The following PDZD2 variants were observed in gnomAD, a reference collection of about 807,000 sequenced individuals.
The protein encoded by PDZD2 is PDZ domain containing 2.
Under a neutral mutation model 220.7 loss-of-function variants are expected in PDZD2, and 90 were observed. The ratio of observed to expected loss-of-function variants is 0.41; its 90% confidence interval spans 0.34 to 0.49. The LOEUF is 0.49. PDZD2 is among the 20% of genes least tolerant of loss of function. The pLI is 0.28. For synonymous variants in PDZD2, 1,375 were observed against 1,450.5 expected (o/e 0.95, Z 1.18); for missense variants, 3,174 against 3,608.5 (o/e 0.88, Z 3.08).
At chr5:32,003,665 TGTGCTGACTTCCTTCTCTTGTTA>T (rs1169126435) in intron 5 of PDZD2, among the ~76,000 whole-genome samples, 6 of 152,220 alleles carry the variant, frequency 3.9e-5, no homozygotes, top group African/African-American at 1.4e-4. Context: ...CTGCATTTCT[TGTGCTGACTTCCTTCTCTTGTTA>T]GTTTTTTTGT....
Position 31,833,550 on chromosome 5 carries a change from C to G in PDZD2, c.476+33826C>G, listed in dbSNP as rs543234014. On this transcript the variant is annotated intron_variant, in intron 2 of 24. Coordinates refer to ENST00000438447, the MANE Select transcript of PDZD2 (RefSeq NM_178140.4). ...CCGCCCACCTTGGCCTCCCAAAGTG[C>G]TGGGATTACAGGCATGAGCCAGTTG... Among the ~76,000 whole-genome samples, 8 of 148,878 alleles carry G rather than the reference C, an allele frequency of 5.4e-5. No homozygotes were observed. The East Asian group carries it at 1.6e-3, about 30-fold the overall frequency.
At position 31,799,701 on chromosome 5, in the gene PDZD2, T is replaced by C; in HGVS notation, c.453T>C (p.Val151=). Residue 151 remains valine, a synonymous_variant, in exon 2 of 25, where the codon GTT becomes GTC. Transcript: ENST00000438447. The part of the protein sequence containing the change: ...EILSLNGQLM[V]GVDVSGASYL... Reference sequence around the variant, plus strand: ...TCTCACTGAATGGGCAGCTGATGGTTGGAGTTGATGTCAGTGGGGCCAGGT... The same window carrying C: ...TCTCACTGAATGGGCAGCTGATGGTCGGAGTTGATGTCAGTGGGGCCAGGT... 6.2e-7 allele frequency: 1 copy of C among 1,613,236 alleles called. No individual in the cohort carries two copies. The highest frequency in any genetic ancestry group is 8.5e-7 in the Non-Finnish European group (1 of 1,179,406).
Position 32,089,268 on chromosome 5 carries a change from C to T in PDZD2, c.5820C>T (p.His1940=), listed in dbSNP as rs200195552. ...CACAGCGGCTCCATGTAGCCGACCA[C>T]GAGGACCCTGACAGAAACACCACAG... is the stretch of plus-strand genomic sequence containing the variant. The part of the protein sequence containing the change: ...AVSQRLHVAD[H]EDPDRNTTAA... The change falls in exon 20 of 25, where the codon CAC becomes CAT. Residue 1940 remains histidine, a synonymous_variant. Coordinates refer to ENST00000438447, the MANE Select transcript of PDZD2 (RefSeq NM_178140.4). 10 of 1,614,054 alleles carry T rather than the reference C, an allele frequency of 6.2e-6. No individual in the cohort carries two copies. Among genetic ancestry groups the T allele is most frequent in the South Asian group, 5.5e-5 (5 of 91,084 alleles).
chr5:32,007,598 G>C (rs996053688), intron 5 of PDZD2, among the ~76,000 whole-genome samples: 7 of 152,166 alleles, frequency 4.6e-5, no homozygotes, highest in African/African-American at 7.2e-5. Flanking sequence ...ATGCCAGCTT[G>C]CTAATATTCA....
intron 1 of PDZD2, among the ~76,000 whole-genome samples, chr5:31,724,403 G>A (rs1748992862): frequency 6.6e-6 from 1 of 151,990 alleles, no homozygotes; most frequent in Admixed American, 6.6e-5. Context: ...GGGAATTCGA[G>A]ACCAGCTGAC....
intron 1 of PDZD2, among the ~76,000 whole-genome samples, chr5:31,742,733 A>G (rs1484634911): frequency 6.6e-6 from 1 of 152,210 alleles, no homozygotes; most frequent in African/African-American, 2.4e-5. Context: ...GTAAAGTGGA[A>G]TAATATTCGT....
chr5:32,056,465 C>G (rs1010360233), intron 10 of PDZD2, among the ~76,000 whole-genome samples: 1 of 152,230 alleles, frequency 6.6e-6, no homozygotes, highest in Non-Finnish European at 1.5e-5. Context: ...CTGTTCTTCT[C>G]TCTGGGGCAT....
intron 1 of PDZD2, among the ~76,000 whole-genome samples, chr5:31,752,938 T>TGG (rs1171443420): frequency 3.9e-5 from 6 of 152,066 alleles, no homozygotes; most frequent in Non-Finnish European, 8.8e-5. Context: ...GTGAAAGCCA[T>TGG]GGGCCTTAGT....
At chr5:32,086,259 A>C (rs1581456789) in intron 19 of PDZD2, among the ~76,000 whole-genome samples, 1 of 152,180 alleles carries the variant, frequency 6.6e-6, no homozygotes, top group Admixed American at 6.5e-5. Context: ...GTGTGAGCCA[A>C]ACCCACACAC....
At position 32,098,938 on chromosome 5, in the gene PDZD2, G is replaced by C. The variant is rs938531800; in HGVS notation, c.8218+304G>C. Among the ~76,000 whole-genome samples, 1 of 152,180 alleles carries C rather than the reference G, an allele frequency of 6.6e-6. No individual in the cohort carries two copies. The highest frequency in any genetic ancestry group is 1.5e-5 in the Non-Finnish European group (1 of 68,034). On this transcript the variant is annotated intron_variant, in intron 23 of 24. Transcript: ENST00000438447. This position sits in a 1 kb window ranked among gnomAD's most constrained non-coding sequence, Gnocchi z 4.1. ...CTCTTACATTCACAGCCTCTTGTTA[G>C]GACTGGTAAGGAAAACAGGAAACTA...
intron 16 of PDZD2, among the ~76,000 whole-genome samples, chr5:32,071,732 C>T (rs1163971583): frequency 6.6e-6 from 1 of 152,216 alleles, no homozygotes; most frequent in East Asian, 1.9e-4. Flanking sequence ...GGAGGCCACG[C>T]AATCTTCCTC....
At chr5:32,003,366 A>C (rs1752510489) in intron 5 of PDZD2, among the ~76,000 whole-genome samples, 1 of 53,162 alleles carries the variant, frequency 1.9e-5, no homozygotes, top group Non-Finnish European at 4.4e-5. Context: ...ACCACACCAC[A>C]CACACACCAC....
intron 6 of PDZD2, among the ~76,000 whole-genome samples, chr5:32,026,438 T>G (rs1311921343): frequency 6.6e-6 from 1 of 152,088 alleles, no homozygotes; most frequent in Non-Finnish European, 1.5e-5. Flanking sequence ...GCGCCCAGCC[T>G]TGTGTACTTC....
chr5:31,852,787 G>C (rs1307323779), intron 2 of PDZD2, among the ~76,000 whole-genome samples: 2 of 152,036 alleles, frequency 1.3e-5, no homozygotes, highest in African/African-American at 4.8e-5. Context: ...AGCAGAGATG[G>C]GGTTTCACCA....
At chr5:32,015,730 T>C (rs113827880) in intron 6 of PDZD2, among the ~76,000 whole-genome samples, 1 of 152,232 alleles carries the variant, frequency 6.6e-6, no homozygotes, top group Non-Finnish European at 1.5e-5. Context: ...AAAATCTATT[T>C]TCTAGCCTTC....
In PDZD2 at chr5:32,089,529, GGC is replaced by G; in HGVS notation, c.6084_6085del (p.Arg2030CysfsTer2). 1 of 1,612,318 alleles carries G rather than the reference GGC, an allele frequency of 6.2e-7. No homozygotes were observed. Among genetic ancestry groups the G allele is most frequent in the Non-Finnish European group, 8.5e-7 (1 of 1,179,992 alleles). On this transcript the variant is annotated frameshift_variant, in exon 20 of 25. Coordinates refer to ENST00000438447, the MANE Select transcript of PDZD2 (RefSeq NM_178140.4). LOFTEE classifies it high-confidence loss of function. ...KSPKCRAEGR[A>X]PRADSGPVSP... ...CTCCTAAGTGTAGAGCAGAGGGCAG[GGC>G]GCCCCGTGCTGACTCCGGGCCGGTG... is the stretch of plus-strand genomic sequence containing the variant.
rs1178686174 is a variant in PDZD2, at chr5:31,901,383, A to G, written c.477-81772A>G. Among the ~76,000 whole-genome samples the G allele has an allele frequency of 5.3e-5, 8 of 150,366 alleles. No individual in the cohort carries two copies. The East Asian group carries it at 1.6e-3, about 29-fold the overall frequency. On this transcript the variant is annotated intron_variant, in intron 2 of 24. Coordinates refer to ENST00000438447, the MANE Select transcript of PDZD2 (RefSeq NM_178140.4). ...CAGTGAGCCAAGATCATGCCACTGC[A>G]CTCCAGCCTGGGTGACAGAGCGAGA...
intron 5 of PDZD2, among the ~76,000 whole-genome samples, chr5:32,003,102 A>C (rs1458898388): frequency 2.8e-5 from 3 of 106,634 alleles, no homozygotes; most frequent in African/African-American, 3.7e-5. Context: ...CCACACACAC[A>C]CCCCACAAAC....
rs1744879178 is a variant in PDZD2 at position 31,639,871 on chromosome 5, C to CCT, written c.-361+436_-361+437dup. Among the ~76,000 whole-genome samples, 1 of 152,212 alleles carries CCT rather than the reference C, an allele frequency of 6.6e-6. No homozygotes were observed. On this transcript the variant is annotated intron_variant, in intron 1 of 24. Coordinates refer to ENST00000438447, the MANE Select transcript of PDZD2 (RefSeq NM_178140.4). This position sits in a 1 kb window ranked among gnomAD's most constrained non-coding sequence, Gnocchi z 4.1. ...AGGTAATGTCTTGGGGACCATCCTC[C>CCT]CTCGGGCTTGTTTCATCTCTCAACC...
Sources: allele counts gnomAD v4.1 joint callset (sites outside exome capture counted in the v4.1 genomes callset), GRCh38; gene constraint gnomAD v4.1.1; non-coding constraint Gnocchi (gnomAD v3.1); transcripts MANE v1.5; gene names NCBI Gene and HGNC (gene_info 2026-07-23, HGNC 2026-07-21).